The following SGSM1 variants were observed in gnomAD, a reference collection of about 807,000 sequenced individuals.
The protein encoded by SGSM1 is RUN and TBC1 domain containing 2.
Under a neutral mutation model 133.8 loss-of-function variants are expected in SGSM1, and 73 were observed. The ratio of observed to expected loss-of-function variants is 0.55; its 90% CI spans 0.45 to 0.66. The LOEUF is 0.66. Among genes scored for constraint, SGSM1 ranks in the 30% least tolerant of loss-of-function variants. The pLI, the probability that SGSM1 is intolerant of heterozygous loss-of-function variation, is 0.00. For missense variants in SGSM1, 1,213 were observed against 1,448.1 expected (o/e 0.84, Z 2.64); for synonymous variants, 563 against 573.0 (o/e 0.98, Z 0.25).
At chr22:24,909,808 G>A (rs1933550842) in intron 21 of SGSM1, among the ~76,000 whole-genome samples, 1 of 152,112 alleles carries the variant, frequency 6.6e-6, no homozygotes, top group Non-Finnish European at 1.5e-5. Context: ...AATAAACATA[G>A]AGTTATCATA....
In SGSM1 at chr22:24,926,191, G is replaced by GTATA. The variant is rs1934199011; in HGVS notation, c.*1918_*1921dup. 6.6e-6 allele frequency: 1 copy of GTATA among 152,220 alleles called. No homozygotes were observed. Among genetic ancestry groups the GTATA allele is most frequent in the Admixed American group, 6.6e-5 (1 of 15,260 alleles). The allele number at this position is 152,220 out of a possible 1,614,324, so 9.4% of individuals were successfully genotyped here. On this transcript the variant is annotated 3_prime_UTR_variant, in exon 25 of 25. Coordinates refer to ENST00000400358, the MANE Select transcript of SGSM1 (RefSeq NM_001098497.3). ...TGCTTGTAAAGGCTTCTTTCCCTTG[G>GTATA]TATAGCAACTTCAACTGCACCTGAA... is the stretch of plus-strand genomic sequence containing the variant.
intron 2 of SGSM1, among the ~76,000 whole-genome samples, chr22:24,842,906 G>A (rs1265414045): frequency 6.6e-6 from 1 of 152,104 alleles, no homozygotes; most frequent in Non-Finnish European, 1.5e-5. Context: ...CTTGAAGCTG[G>A]TGCTATTTCT....
In SGSM1 at chr22:24,925,925, T is replaced by C. The variant is rs1387094609; in HGVS notation, c.*1651T>C. On this transcript the variant is annotated 3_prime_UTR_variant, in exon 25 of 25. Transcript: ENST00000400358. ...TTACTCTGCCTACCTGTCCTTTCAA[T>C]AGAGCAGTCTTTCCCGCTCTTCTGT... 1 of 152,132 alleles carries C rather than the reference T, an allele frequency of 6.6e-6. No homozygotes were observed. Among genetic ancestry groups the C allele is most frequent in the Non-Finnish European group, 1.5e-5 (1 of 68,048 alleles). The allele number at this position is 152,132 out of a possible 1,614,324, so 9.4% of individuals were successfully genotyped here.
At chr22:24,914,237 G>C (rs991693738) in intron 22 of SGSM1, among the ~76,000 whole-genome samples, 1 of 149,954 alleles carries the variant, frequency 6.7e-6, no homozygotes, top group African/African-American at 2.5e-5. Flanking sequence ...AGCTTGCAGT[G>C]AGCTGAGATG....
chr22:24,883,931 ACT>A (rs1196523340), intron 14 of SGSM1, 120 bp from the exon 15 acceptor site: 63 of 1,185,812 alleles, frequency 5.3e-5, no homozygotes, highest in Non-Finnish European at 7.0e-5. Context: ...ATAGAGCAAG[ACT>A]CTGTCTCAAA....
intron 3 of SGSM1, among the ~76,000 whole-genome samples, chr22:24,845,540 A>T (rs1930044732): frequency 6.6e-6 from 1 of 152,216 alleles, no homozygotes; most frequent in African/African-American, 2.4e-5. Context: ...AGGTCAGGAT[A>T]ATCAGTGTGT....
chr22:24,845,874 G>A (rs1340631704), intron 3 of SGSM1, among the ~76,000 whole-genome samples: 3 of 151,130 alleles, frequency 2.0e-5, no homozygotes, highest in Non-Finnish European at 4.4e-5. Flanking sequence ...CTTCAGGCAG[G>A]CAGACCTGGA....
intron 2 of SGSM1, among the ~76,000 whole-genome samples, chr22:24,824,153 G>A (rs1450715253): frequency 6.6e-6 from 1 of 152,160 alleles, no homozygotes; most frequent in Non-Finnish European, 1.5e-5. Context: ...AATGCGGAGA[G>A]GGGCACGTGA....
intron 13 of SGSM1, among the ~76,000 whole-genome samples, chr22:24,877,405 A>G (rs1478521399): frequency 6.6e-6 from 1 of 152,064 alleles, no homozygotes; most frequent in Non-Finnish European, 1.5e-5. Flanking sequence ...TTATTATATA[A>G]AGTTAAATCT....
Position 24,858,635 on chromosome 22 carries a change from C to CAAAAAA in SGSM1, c.802-1065_802-1060dup, listed in dbSNP as rs139699. ...TTGGCAACAGAGCGAGACTCCATCT[C>CAAAAAA]AAAAAAAAAAAAAAAAAAAAAGAAG... On this transcript the variant is annotated intron_variant, in intron 8 of 24. Coordinates refer to ENST00000400358, the MANE Select transcript of SGSM1 (RefSeq NM_001098497.3). Among the ~76,000 whole-genome samples the CAAAAAA allele has an allele frequency of 3.0e-3, 246 of 82,970 alleles. 2 individuals carry two copies. Among genetic ancestry groups the CAAAAAA allele is most frequent in the African/African-American group, 8.4e-3 (235 of 27,906 alleles). 54.4% of individuals were successfully genotyped at this position (82,970 alleles called of 152,430 possible).
intron 19 of SGSM1, among the ~76,000 whole-genome samples, chr22:24,900,385 TTCTTTC>T (rs1263874476): frequency 1.4e-5 from 1 of 71,318 alleles, no homozygotes; most frequent in Non-Finnish European, 3.0e-5. Flanking sequence ...CTTTCTTTCT[TTCTTTC>T]TTTCTTTCTT....
chr22:24,881,348 C>A (rs1199966929), intron 14 of SGSM1, among the ~76,000 whole-genome samples: 1 of 146,364 alleles, frequency 6.8e-6, no homozygotes, highest in Non-Finnish European at 1.5e-5. Context: ...GGGCGGATCA[C>A]GAGGTCAGGA....
At chr22:24,886,791 T>C in intron 16 of SGSM1, 63 bp downstream of exon 16, 2 of 1,514,822 alleles carry the variant, frequency 1.3e-6, no homozygotes. Context: ...ACTGTGGGGC[T>C]GGGGAGTGCT....
chr22:24,868,357 T>G lies in SGSM1; in HGVS notation c.995-19T>G, dbSNP rs1410844270. ...ATAGTGACTTCCACTGGGTCTTCTC[T>G]GGCTGGTGGTGGCGGCAGTTGACAG... On this transcript the variant is annotated intron_variant, in intron 10 of 24. Coordinates refer to ENST00000400358, the MANE Select transcript of SGSM1 (RefSeq NM_001098497.3). 6.2e-7 allele frequency: 1 copy of G among 1,602,108 alleles called. No individual in the cohort carries two copies. The highest frequency in any genetic ancestry group is 1.1e-5 in the South Asian group (1 of 90,046).
In SGSM1 at chr22:24,898,513, C is replaced by T. The variant is rs1932996056; in HGVS notation, c.2564C>T (p.Ser855Phe). The T allele has an allele frequency of 5.6e-6, 9 of 1,613,520 alleles. No homozygotes were observed. The East Asian group carries it at 1.6e-4, about 28-fold the overall frequency. ...PALASLAVTT[S>F]ANEVSPVSSS... ...CTGGCTTCTCTGGCTGTGACTACTT[C>T]TGCCAACGAGGTGTCCCCTGTGTCT... is the stretch of plus-strand genomic sequence containing the variant. Residue 855 changes from serine (S) to phenylalanine (F), a missense_variant, in exon 19 of 25, where the codon TCT becomes TTT. Ser to Phe is a radical substitution (Grantham distance 155, BLOSUM62 -2). Coordinates refer to ENST00000400358, the MANE Select transcript of SGSM1 (RefSeq NM_001098497.3).
chr22:24,905,587 A>T (rs1387842065), intron 21 of SGSM1, among the ~76,000 whole-genome samples: 1 of 152,082 alleles, frequency 6.6e-6, no homozygotes, highest in East Asian at 1.9e-4. Flanking sequence ...GGAGATCGAG[A>T]CCATCCTGGT....
chr22:24,841,013 G>A (rs1433136602), intron 2 of SGSM1, among the ~76,000 whole-genome samples: 1 of 151,864 alleles, frequency 6.6e-6, no homozygotes, highest in Non-Finnish European at 1.5e-5. Flanking sequence ...ACCACGCCCG[G>A]CTAATTTTTT....
chr22:24,848,269 T>C (rs866321157), intron 4 of SGSM1, among the ~76,000 whole-genome samples: 3 of 151,882 alleles, frequency 2.0e-5, no homozygotes, highest in Non-Finnish European at 2.9e-5. Context: ...GAAACAATTG[T>C]TGAGTGAGTG....
Position 24,897,669 on chromosome 22 carries a change from G to A in SGSM1, c.2023-303G>A, listed in dbSNP as rs535244319. 1.4e-3 allele frequency among the ~76,000 whole-genome samples: 220 copies of A among 152,218 alleles called. 1 individual carries two copies. The highest frequency in any genetic ancestry group is 4.8e-3 in the African/African-American group (201 of 41,540). On this transcript the variant is annotated intron_variant, in intron 18 of 24. Coordinates refer to ENST00000400358, the MANE Select transcript of SGSM1 (RefSeq NM_001098497.3). Reference sequence around the variant, plus strand: ...TTTTTTGCAGAGACCAGGTTTCACCGTGTTGCCCAGGCTGGTGTCAAACTC... The same window carrying A: ...TTTTTTGCAGAGACCAGGTTTCACCATGTTGCCCAGGCTGGTGTCAAACTC...
Sources: gnomAD v4.1 joint callset for allele counts (sites outside exome capture counted in the v4.1 genomes callset) on GRCh38, gnomAD v4.1.1 for gene constraint, MANE v1.5 for transcripts, NCBI Gene and HGNC (gene_info 2026-07-23, HGNC 2026-07-21) for gene names.